The following PCP4 variants were observed in gnomAD, a reference collection of about 807,000 sequenced individuals.
The protein encoded by PCP4 is Purkinje cell protein 4.
A neutral mutation model predicts 10.0 loss-of-function variants in PCP4; 8 were observed. The ratio of observed to expected loss-of-function variants is 0.80; its 90% CI spans 0.47 to 1.45. PCP4 has a LOEUF of 1.45. Ranked by LOEUF, PCP4 falls within the 40% of genes most tolerant of loss-of-function variation. The probability of loss-of-function intolerance (pLI) is 0.00; values close to 1 mark genes in which losing one functional copy is unlikely to be tolerated. For synonymous variants in PCP4, 21 were observed against 23.0 expected, an observed-to-expected ratio of 0.91 and a Z score of 0.24; for missense variants, 54 against 74.4, an observed-to-expected ratio of 0.73 and a Z score of 1.01.
intron 2 of PCP4, among the ~76,000 whole-genome samples, chr21:39,919,800 G>T (rs760691594): frequency 6.6e-5 from 10 of 150,384 alleles, no homozygotes; most frequent in Non-Finnish European, 1.3e-4. Context: ...TGTGTAATGT[G>T]GTGTATTTGT....
chr21:39,887,795 A>C (rs1418148834), intron 1 of PCP4, among the ~76,000 whole-genome samples: 1 of 152,216 alleles, frequency 6.6e-6, no homozygotes, highest in Non-Finnish European at 1.5e-5. Context: ...ATAATACCAT[A>C]GTAACAGGCC....
intron 1 of PCP4, among the ~76,000 whole-genome samples, chr21:39,878,573 A>G (rs1386813475): frequency 1.3e-5 from 2 of 152,356 alleles, no homozygotes; most frequent in African/African-American, 2.4e-5. Flanking sequence ...AGTCTTCTGT[A>G]TATTGGAAAG....
At chr21:39,904,609 G>A (rs960387586) in intron 2 of PCP4, among the ~76,000 whole-genome samples, 7 of 152,182 alleles carry the variant, frequency 4.6e-5, no homozygotes, top group African/African-American at 1.7e-4. Flanking sequence ...TTCTAGAAAG[G>A]CTACAGAGGG....
chr21:39,904,374 T>C (rs2087496589), intron 2 of PCP4, among the ~76,000 whole-genome samples: 1 of 152,192 alleles, frequency 6.6e-6, no homozygotes, highest in Admixed American at 6.5e-5. Context: ...ATTTTATCTG[T>C]CAACTCTCCT....
At chr21:39,872,489 A>T (rs2146323964) in intron 1 of PCP4, among the ~76,000 whole-genome samples, 1 of 152,302 alleles carries the variant, frequency 6.6e-6, no homozygotes, top group South Asian at 2.1e-4. Flanking sequence ...ACTTTCTAGA[A>T]AGGTCTTCAT....
intron 1 of PCP4, among the ~76,000 whole-genome samples, chr21:39,874,119 A>T (rs1568848997): frequency 6.6e-6 from 1 of 152,222 alleles, no homozygotes; most frequent in Non-Finnish European, 1.5e-5. Context: ...TGAACATTTA[A>T]GGGCAAGGAA....
At chr21:39,925,167 C>G (rs1334825880) in intron 2 of PCP4, among the ~76,000 whole-genome samples, 1 of 152,180 alleles carries the variant, frequency 6.6e-6, no homozygotes, top group Admixed American at 6.5e-5. Flanking sequence ...TACAGTGCCC[C>G]CTGTGGGCTG....
intron 1 of PCP4, among the ~76,000 whole-genome samples, chr21:39,888,620 C>T (rs2087413365): frequency 6.6e-6 from 1 of 152,178 alleles, no homozygotes; most frequent in Admixed American, 6.5e-5. Flanking sequence ...TAGGGGACTC[C>T]CCCGCTGCCC....
At chr21:39,922,381 C>G (rs900802336) in intron 2 of PCP4, among the ~76,000 whole-genome samples, 11 of 152,140 alleles carry the variant, frequency 7.2e-5, no homozygotes, top group Non-Finnish European at 1.6e-4. Flanking sequence ...CATAATAAAA[C>G]ATATAATTGC....
chr21:39,892,234 G>A (rs981761195), intron 1 of PCP4, among the ~76,000 whole-genome samples: 3 of 152,106 alleles, frequency 2.0e-5, no homozygotes, highest in Non-Finnish European at 4.4e-5. Context: ...CATGTCCGCC[G>A]GTTATTCCTA....
At chr21:39,874,896 T>A (rs899725088) in intron 1 of PCP4, among the ~76,000 whole-genome samples, 1 of 152,212 alleles carries the variant, frequency 6.6e-6, no homozygotes, top group African/African-American at 2.4e-5. Flanking sequence ...TGCTGCTAAG[T>A]GGCTACGGGC....
intron 1 of PCP4, among the ~76,000 whole-genome samples, chr21:39,873,663 A>G (rs1043567185): frequency 2.0e-5 from 3 of 152,170 alleles, no homozygotes; most frequent in African/African-American, 7.2e-5. Flanking sequence ...AATGTGAACA[A>G]TGAATACAGA....
At chr21:39,870,558 G>GA (rs968512627) in intron 1 of PCP4, among the ~76,000 whole-genome samples, 1 of 152,014 alleles carries the variant, frequency 6.6e-6, no homozygotes, top group Non-Finnish European at 1.5e-5. Context: ...TAGAGCTTTT[G>GA]AAAAAAGAGT....
At chr21:39,926,352 C>T (rs891390482) in intron 2 of PCP4, among the ~76,000 whole-genome samples, 5 of 152,186 alleles carry the variant, frequency 3.3e-5, no homozygotes, top group Non-Finnish European at 7.3e-5. Context: ...TAATTTTCTG[C>T]GTCTTCATTT....
intron 1 of PCP4, among the ~76,000 whole-genome samples, chr21:39,884,818 G>GAGAC (rs2087392329): frequency 1.3e-5 from 2 of 151,564 alleles, no homozygotes; most frequent in East Asian, 2.0e-4. Flanking sequence ...GAGAGAGAGA[G>GAGAC]AGAGACAGAG....
At chr21:39,880,981 T>C (rs1432128028) in intron 1 of PCP4, among the ~76,000 whole-genome samples, 1 of 152,022 alleles carries the variant, frequency 6.6e-6, no homozygotes, top group Non-Finnish European at 1.5e-5. Context: ...GTTAGATGAG[T>C]TGGTTGTTCG....
chr21:39,912,677 G>A (rs1168835917), intron 2 of PCP4, among the ~76,000 whole-genome samples: 1 of 151,938 alleles, frequency 6.6e-6, no homozygotes, highest in Non-Finnish European at 1.5e-5. Context: ...GGGGTGATTC[G>A]GTGTCAGAAC....
chr21:39,887,476 A>G (rs976257762), intron 1 of PCP4, among the ~76,000 whole-genome samples: 5 of 152,318 alleles, frequency 3.3e-5, no homozygotes, highest in African/African-American at 1.2e-4. Flanking sequence ...ATAGATGACA[A>G]AAATATCACT....
intron 2 of PCP4, among the ~76,000 whole-genome samples, chr21:39,900,166 C>T (rs367898992): frequency 2.6e-5 from 4 of 151,996 alleles, no homozygotes; most frequent in African/African-American, 7.3e-5. Context: ...TCTTGAGTAG[C>T]TGGGATTACA....
Sources: allele counts gnomAD v4.1 joint callset (sites outside exome capture counted in the v4.1 genomes callset), GRCh38; gene constraint gnomAD v4.1.1; transcripts MANE v1.5; gene names NCBI Gene and HGNC (gene_info 2026-07-23, HGNC 2026-07-21).